The following TLE3 variants were observed in gnomAD, a reference collection of about 807,000 sequenced individuals.
The protein encoded by TLE3 is TLE family member 3, transcriptional corepressor.
A neutral mutation model predicts 93.0 loss-of-function variants in TLE3; 14 were observed. That is an observed-to-expected ratio of 0.15 (90% CI 0.10 to 0.24). The LOEUF (loss-of-function observed/expected upper bound fraction) is 0.24, where lower values mean the gene tolerates loss of function less well. Among genes scored for constraint, TLE3 ranks in the 10% least tolerant of loss-of-function variants. The probability of loss-of-function intolerance (pLI) is 1.00; values close to 1 mark genes in which losing one functional copy is unlikely to be tolerated. For missense variants in TLE3, 693 were observed against 1,046.6 expected (o/e 0.66, Z 4.66); for synonymous variants, 451 against 425.0 (o/e 1.06, Z -0.75).
chr15:70,052,977 A>T, intron 17 of TLE3: 1 of 476,622 alleles, frequency 2.1e-6, no homozygotes, highest in Non-Finnish European at 3.7e-6. Flanking sequence ...GCCGAGGACA[A>T]AGTGCTCAAT....
chr15:70,052,740 A>C (rs4777224), intron 17 of TLE3: 165,414 of 393,540 alleles, frequency 0.42, 36,912 homozygotes, highest in Middle Eastern at 0.59. Flanking sequence ...TGAGACTTTC[A>C]TCTTTCCTTA....
chr15:70,086,750 T>C (rs1396643437), intron 4 of TLE3, among the ~76,000 whole-genome samples: 2 of 152,212 alleles, frequency 1.3e-5, no homozygotes, highest in Non-Finnish European at 2.9e-5. Context: ...TGGAACTCCA[T>C]GCCCAAACAG....
intron 12 of TLE3, 167 bp downstream of exon 12, chr15:70,057,992 A>G (rs552174038): frequency 8.7e-7 from 1 of 1,152,314 alleles, no homozygotes; most frequent in African/African-American, 1.6e-5. Flanking sequence ...GGTCCCAGAA[A>G]CCCTGGTGTC....
At chr15:70,061,046 C>T (rs1037549069) in intron 8 of TLE3, among the ~76,000 whole-genome samples, 1 of 152,174 alleles carries the variant, frequency 6.6e-6, no homozygotes, top group African/African-American at 2.4e-5. Flanking sequence ...GGAATTTGCA[C>T]TGAGTCTTGT....
intron 8 of TLE3, among the ~76,000 whole-genome samples, chr15:70,063,753 G>A (rs1002225991): frequency 6.6e-6 from 1 of 152,166 alleles, no homozygotes; most frequent in Non-Finnish European, 1.5e-5. Context: ...CAGAACCTCG[G>A]AGCCTCAGTG....
chr15:70,066,303 T>C, intron 6 of TLE3, 85 bp from the exon 7 acceptor site: 1 of 1,215,504 alleles, frequency 8.2e-7, no homozygotes, highest in Non-Finnish European at 1.1e-6. Flanking sequence ...AGGGAGTGGC[T>C]CTTCCCATTC....
At chr15:70,089,039 T>C (rs2058174229) in intron 4 of TLE3, among the ~76,000 whole-genome samples, 2 of 152,310 alleles carry the variant, frequency 1.3e-5, no homozygotes, top group African/African-American at 2.4e-5. Flanking sequence ...CTCGCCTCAC[T>C]TCCCAAGTGC....
intron 6 of TLE3, among the ~76,000 whole-genome samples, chr15:70,070,146 G>A (rs1343912691): frequency 6.6e-6 from 1 of 152,174 alleles, no homozygotes; most frequent in Admixed American, 6.5e-5. Context: ...TAGGAGCCTG[G>A]AACCAAGCCC....
intron 4 of TLE3, among the ~76,000 whole-genome samples, chr15:70,076,686 C>T (rs924668114): frequency 1.3e-5 from 2 of 152,102 alleles, no homozygotes; most frequent in African/African-American, 4.8e-5. Flanking sequence ...CACATATATG[C>T]TACCAGGCTA....
intron 6 of TLE3, among the ~76,000 whole-genome samples, chr15:70,069,495 G>A (rs1166464196): frequency 2.0e-5 from 3 of 152,310 alleles, no homozygotes; most frequent in African/African-American, 4.8e-5. Context: ...AGGTAGGAGC[G>A]TCCTCTTTGC....
intron 6 of TLE3, among the ~76,000 whole-genome samples, chr15:70,070,470 C>G (rs1409058607): frequency 6.6e-6 from 1 of 152,216 alleles, no homozygotes; most frequent in Non-Finnish European, 1.5e-5. Context: ...AGGAGTCAGA[C>G]AGGGTCCTGA....
At chr15:70,076,798 G>A (rs1449997487) in intron 4 of TLE3, among the ~76,000 whole-genome samples, 1 of 152,076 alleles carries the variant, frequency 6.6e-6, no homozygotes, top group Non-Finnish European at 1.5e-5. Flanking sequence ...TTGGCTCACT[G>A]CAGCCTCGAC....
At position 70,062,519 on chromosome 15, in the gene TLE3, C is replaced by T. The variant is rs1057068355; in HGVS notation, c.595-1870G>A. On this transcript the variant is annotated intron_variant, in intron 8 of 19. Transcript: ENST00000451782. Reference sequence around the variant, plus strand: ...CCGGAGAGTCATGTCAGGCATTTAGCGGCATCGATCCAGCCCGCCTCTGGC... The same window carrying T: ...CCGGAGAGTCATGTCAGGCATTTAGTGGCATCGATCCAGCCCGCCTCTGGC... Among the ~76,000 whole-genome samples the T allele has an allele frequency of 9.2e-5, 14 of 152,344 alleles. No individual in the cohort carries two copies. In the South Asian group the frequency reaches 2.3e-3, roughly 25 times the overall value.
At chr15:70,070,291 G>A (rs2057074397) in intron 6 of TLE3, among the ~76,000 whole-genome samples, 1 of 152,250 alleles carries the variant, frequency 6.6e-6, no homozygotes. Flanking sequence ...AGGAGAGGTT[G>A]AAGGGAAGAT....
intron 4 of TLE3, among the ~76,000 whole-genome samples, chr15:70,076,490 C>T (rs2057453121): frequency 6.6e-6 from 1 of 152,178 alleles, no homozygotes; most frequent in African/African-American, 2.4e-5. Flanking sequence ...TCACCCCCAA[C>T]AACCCAGCAA....
At chr15:70,055,539 A>T in intron 14 of TLE3, 1 of 439,042 alleles carries the variant, frequency 2.3e-6, no homozygotes, top group East Asian at 3.6e-5. Flanking sequence ...AAATCAGACC[A>T]GAAACCCACA....
chr15:70,048,948 G>C lies in TLE3; in HGVS notation c.*1149C>G, dbSNP rs2055289716. Reference sequence around the variant, plus strand: ...GAGAGGAAGAGACTGTAGGCGGGAAGGGGGAGAAGGCATTTTATAAAAGGA... The same window carrying C: ...GAGAGGAAGAGACTGTAGGCGGGAACGGGGAGAAGGCATTTTATAAAAGGA... On this transcript the variant is annotated 3_prime_UTR_variant, in exon 20 of 20. Coordinates refer to ENST00000451782, the MANE Select transcript of TLE3 (RefSeq NM_001105192.3). 1 of 151,936 alleles carries C rather than the reference G, an allele frequency of 6.6e-6. No individual in the cohort carries two copies. Among genetic ancestry groups the C allele is most frequent in the Non-Finnish European group, 1.5e-5 (1 of 67,990 alleles). 9.4% of individuals were successfully genotyped at this position (151,936 alleles called of 1,614,324 possible).
rs2141617380 is a variant in TLE3 at position 70,064,484 on chromosome 15, A to C, written c.578-14T>G. ...TGGATTCTCTCTCTTTGGGGAAAGA[A>C]GGCCAGGACAGGAGGAAGGTCAGGC... On this transcript the variant is annotated splice_polypyrimidine_tract_variant and intron_variant, in intron 7 of 19. Transcript: ENST00000451782. 1 of 1,613,954 alleles carries C rather than the reference A, an allele frequency of 6.2e-7. No homozygotes were observed. The highest frequency in any genetic ancestry group is 2.2e-5 in the East Asian group (1 of 44,880).
intron 6 of TLE3, 83 bp downstream of exon 6, chr15:70,074,450 C>T: frequency 6.6e-7 from 1 of 1,508,648 alleles, no homozygotes; most frequent in Non-Finnish European, 9.0e-7. Context: ...CAGCTAAGGT[C>T]AGGGTCAATC....
Sources: allele counts gnomAD v4.1 joint callset (sites outside exome capture counted in the v4.1 genomes callset), GRCh38; gene constraint gnomAD v4.1.1; transcripts MANE v1.5; gene names NCBI Gene and HGNC (gene_info 2026-07-23, HGNC 2026-07-21).